The following TRPM6 variants were observed in gnomAD, a reference collection of about 807,000 sequenced individuals.
The protein encoded by TRPM6 is channel kinase 2.
Under a neutral mutation model 247.6 loss-of-function variants are expected in TRPM6, and 111 were observed. The ratio of observed to expected loss-of-function variants is 0.45; its 90% CI spans 0.38 to 0.52. The LOEUF (loss-of-function observed/expected upper bound fraction) is 0.52, where lower values mean the gene tolerates loss of function less well. TRPM6 is among the 20% of genes least tolerant of loss of function. The probability of loss-of-function intolerance (pLI) is 0.00; values close to 1 mark genes in which losing one functional copy is unlikely to be tolerated. For missense variants in TRPM6, 2,126 were observed against 2,421.5 expected (o/e 0.88, Z 2.56); for synonymous variants, 892 against 853.8 (o/e 1.04, Z -0.78).
intron 2 of TRPM6, 24 bp downstream of exon 2, chr9:74,858,642 AAAG>A (rs757681226): frequency 7.2e-6 from 11 of 1,529,138 alleles, no homozygotes; most frequent in South Asian, 5.7e-5. Context: ...GTTGCTTTTA[AAAG>A]AAGAAGGTAA....
At chr9:74,733,031 TA>T (rs1825575609) in intron 36 of TRPM6, among the ~76,000 whole-genome samples, 1 of 151,926 alleles carries the variant, frequency 6.6e-6, no homozygotes. Context: ...CCATCTCTAC[TA>T]AAAATGCAAA....
chr9:74,875,308 C>G (rs780750217), intron 1 of TRPM6: 17 of 452,034 alleles, frequency 3.8e-5, no homozygotes, highest in South Asian at 2.5e-4. Context: ...TTTGGGAGAC[C>G]GAGGTGGGTG....
At chr9:74,870,518 C>G (rs547648218) in intron 1 of TRPM6, among the ~76,000 whole-genome samples, 1 of 152,162 alleles carries the variant, frequency 6.6e-6, no homozygotes, top group Non-Finnish European at 1.5e-5. Flanking sequence ...TAATCTCTAC[C>G]AGCAAACTAG....
chr9:74,734,793 T>C (rs1316281307), intron 36 of TRPM6, among the ~76,000 whole-genome samples: 2 of 152,168 alleles, frequency 1.3e-5, no homozygotes, highest in Admixed American at 6.6e-5. Flanking sequence ...GAACTCCTTA[T>C]AAGAATGAGG....
intron 21 of TRPM6, 67 bp downstream of exon 21, chr9:74,785,807 G>T (rs905452650): frequency 5.1e-6 from 8 of 1,571,844 alleles, no homozygotes; most frequent in East Asian, 2.2e-5. Flanking sequence ...ACAGGTGTGA[G>T]CCACCACACC....
chr9:74,753,820 C>A lies in TRPM6; in HGVS notation c.4907-1452G>T, dbSNP rs577328144. The stretch of plus-strand genomic sequence containing the variant: ...ACACGTTTCAAAAAAACAAGCTTCT[C>A]AACTCTGGATGTGGTTCAAGAAAGA... On this transcript the variant is annotated intron_variant, in intron 28 of 38. Coordinates refer to ENST00000360774, the MANE Select transcript of TRPM6 (RefSeq NM_017662.5). 3.3e-5 allele frequency among the ~76,000 whole-genome samples: 5 copies of A among 152,122 alleles called. No individual in the cohort carries two copies. In the South Asian group the frequency reaches 1.0e-3, roughly 32 times the overall value.
chr9:74,859,067 C>T (rs535285206), intron 1 of TRPM6, among the ~76,000 whole-genome samples: 1 of 152,166 alleles, frequency 6.6e-6, no homozygotes, highest in Non-Finnish European at 1.5e-5. Context: ...CCAAAAGTCA[C>T]TTTTATATCT....
chr9:74,872,982 G>T, intron 1 of TRPM6, among the ~76,000 whole-genome samples: 1 of 151,818 alleles, frequency 6.6e-6, no homozygotes, highest in East Asian at 1.9e-4. Flanking sequence ...ACCTTCCAAG[G>T]GCTCGTCATT....
At chr9:74,863,721 T>C (rs988135682) in intron 1 of TRPM6, among the ~76,000 whole-genome samples, 3 of 152,086 alleles carry the variant, frequency 2.0e-5, no homozygotes, top group Non-Finnish European at 4.4e-5. Context: ...TAGCTGGGAC[T>C]ACAGGCATGC....
chr9:74,771,120 T>G (rs1195093820), intron 25 of TRPM6, among the ~76,000 whole-genome samples: 2 of 152,140 alleles, frequency 1.3e-5, no homozygotes, highest in Non-Finnish European at 2.9e-5. Flanking sequence ...GCGCTTGCTG[T>G]TCCTTCCGCC....
intron 1 of TRPM6, among the ~76,000 whole-genome samples, chr9:74,881,793 T>C (rs1374971064): frequency 6.6e-6 from 1 of 152,174 alleles, no homozygotes; most frequent in Non-Finnish European, 1.5e-5. Context: ...CTTTGGAAAC[T>C]GTACAAAAGT....
intron 7 of TRPM6, among the ~76,000 whole-genome samples, chr9:74,826,230 TATA>T (rs1273244615): frequency 6.6e-6 from 1 of 152,248 alleles, no homozygotes; most frequent in Non-Finnish European, 1.5e-5. Context: ...CTTTTCATTT[TATA>T]ATAAGAAAAC....
At chr9:74,847,164 A>T (rs559147151) in intron 3 of TRPM6, among the ~76,000 whole-genome samples, 3 of 152,242 alleles carry the variant, frequency 2.0e-5, no homozygotes, top group Admixed American at 1.3e-4. Flanking sequence ...TTGTAAAAAA[A>T]TTTTTTTAAA....
Position 74,775,587 on chromosome 9 carries a change from C to T in TRPM6, c.3403+296G>A, listed in dbSNP as rs145604601. On this transcript the variant is annotated intron_variant, in intron 24 of 38. Transcript: ENST00000360774. ...CTAGGAGTTATTCTGATGAGTTCTCCGGTCAGCAGAGAAAACACAAGTTTT... is the reference window on the plus strand; with the variant it reads ...CTAGGAGTTATTCTGATGAGTTCTCTGGTCAGCAGAGAAAACACAAGTTTT... Among the ~76,000 whole-genome samples, 171 of 152,208 alleles carry T rather than the reference C, an allele frequency of 1.1e-3. 1 individual carries two copies. Among genetic ancestry groups the T allele is most frequent in the African/African-American group, 3.7e-3 (152 of 41,532 alleles).
intron 3 of TRPM6, among the ~76,000 whole-genome samples, chr9:74,848,458 T>C (rs1356358299): frequency 2.6e-5 from 4 of 152,212 alleles, no homozygotes; most frequent in Non-Finnish European, 5.9e-5. Flanking sequence ...GATTTTATCA[T>C]GCCACTCTGA....
At chr9:74,816,608 C>T in intron 11 of TRPM6, 61 bp downstream of exon 11, 11 of 1,370,722 alleles carry the variant, frequency 8.0e-6, no homozygotes, top group Non-Finnish European at 1.1e-5. Flanking sequence ...TTCTCTTTTG[C>T]CCCTTCCTAA....
chr9:74,764,271 T>C (rs999126357), intron 25 of TRPM6, among the ~76,000 whole-genome samples: 14 of 152,078 alleles, frequency 9.2e-5, no homozygotes, highest in Admixed American at 7.9e-4. Context: ...CCCAGAACCA[T>C]AGAATGTGAC....
chr9:74,827,582 C>T (rs898904412), intron 7 of TRPM6, 196 bp downstream of exon 7: 20 of 692,770 alleles, frequency 2.9e-5, no homozygotes, highest in South Asian at 1.2e-4. Flanking sequence ...AGTGGATCCT[C>T]GAAGTGTCAT....
intron 1 of TRPM6, among the ~76,000 whole-genome samples, chr9:74,863,590 CTT>C (rs201219309): frequency 1.1e-4 from 17 of 150,864 alleles, no homozygotes; most frequent in African/African-American, 4.1e-4. Context: ...AAAAAAGTGA[CTT>C]TTTTTTTGAG....
Sources: gnomAD v4.1 joint callset for allele counts (sites outside exome capture counted in the v4.1 genomes callset) on GRCh38, gnomAD v4.1.1 for gene constraint, MANE v1.5 for transcripts, NCBI Gene and HGNC (gene_info 2026-07-23, HGNC 2026-07-21) for gene names.